Variants in RBMS3 observed in about 807,000 individuals in gnomAD.
RBMS3 encodes RNA binding motif single stranded interacting protein 3, also known as RNA-binding motif, single-stranded-interacting protein 3.
Under a neutral mutation model 66.8 loss-of-function variants are expected in RBMS3, and 27 were observed. That is an observed-to-expected ratio of 0.40 (90% confidence interval 0.30 to 0.56). The LOEUF is 0.56. RBMS3 is among the 20% of genes least tolerant of loss of function. The pLI, the probability that RBMS3 is intolerant of heterozygous loss-of-function variation, is 0.40. For missense variants in RBMS3, 513 were observed against 549.5 expected (o/e 0.93, Z 0.66); for synonymous variants, 188 against 183.0 (o/e 1.03, Z -0.22).
intron 4 of RBMS3, among the ~76,000 whole-genome samples, chr3:29,666,106 G>T (rs2050743585): frequency 6.6e-6 from 1 of 152,050 alleles, no homozygotes; most frequent in Admixed American, 6.6e-5. Flanking sequence ...CCTCTGCCTG[G>T]ATGGGTATTC....
intron 3 of RBMS3, among the ~76,000 whole-genome samples, chr3:29,532,424 A>G (rs1046265048): frequency 6.6e-6 from 1 of 151,872 alleles, no homozygotes; most frequent in African/African-American, 2.4e-5. Context: ...AACAGGGATC[A>G]GTTTCCTCCT....
chr3:29,403,684 A>AC (rs1187495129), intron 1 of RBMS3, among the ~76,000 whole-genome samples: 2 of 151,784 alleles, frequency 1.3e-5, no homozygotes, highest in Non-Finnish European at 2.9e-5. Context: ...AAAGTTGGAG[A>AC]AAAAAAACAA....
chr3:29,770,197 C>T (rs889201393), intron 6 of RBMS3, among the ~76,000 whole-genome samples: 3 of 151,864 alleles, frequency 2.0e-5, no homozygotes, highest in Admixed American at 2.0e-4. Context: ...TTATGCAGCA[C>T]TTTTGCTCCC....
At chr3:29,909,925 C>A (rs1248246892) in intron 10 of RBMS3, among the ~76,000 whole-genome samples, 1 of 152,174 alleles carries the variant, frequency 6.6e-6, no homozygotes, top group Non-Finnish European at 1.5e-5. Flanking sequence ...GGACATGACA[C>A]AATTGACAGC....
rs761344035 is a variant in RBMS3, at chr3:29,872,324, T to C, written c.744+3360T>C. Among the ~76,000 whole-genome samples, 278 of 152,284 alleles carry C rather than the reference T, an allele frequency of 1.8e-3. 3 individuals carry two copies. The highest frequency in any genetic ancestry group is 4.0e-4 in the Non-Finnish European group (27 of 68,028). On this transcript the variant is annotated intron_variant, in intron 7 of 14. Coordinates refer to ENST00000383767, the MANE Select transcript of RBMS3 (RefSeq NM_001003793.3). ...ATTTTTTGAGAAAAGTGGTGGACTT[T>C]TCTATTTTTACAAATCGCTTTAATG...
At chr3:29,284,163 C>T (rs929007495) in intron 1 of RBMS3, among the ~76,000 whole-genome samples, 2 of 152,058 alleles carry the variant, frequency 1.3e-5, no homozygotes, top group Non-Finnish European at 1.5e-5. Context: ...TCTTTGTAGC[C>T]TTGGCTTGGA....
At chr3:29,553,842 G>A (rs900728422) in intron 3 of RBMS3, among the ~76,000 whole-genome samples, 1 of 144,056 alleles carries the variant, frequency 6.9e-6, no homozygotes, top group African/African-American at 2.6e-5. Flanking sequence ...CTAGGCATTT[G>A]CCTCCTTATC....
At chr3:29,561,094 T>A (rs2046534074) in intron 3 of RBMS3, among the ~76,000 whole-genome samples, 1 of 131,766 alleles carries the variant, frequency 7.6e-6, no homozygotes, top group African/African-American at 3.0e-5. Flanking sequence ...GGCTACATAG[T>A]ATTCCATGGT....
At chr3:29,697,266 T>G (rs1479001288) in intron 4 of RBMS3, among the ~76,000 whole-genome samples, 1 of 152,212 alleles carries the variant, frequency 6.6e-6, no homozygotes, top group Non-Finnish European at 1.5e-5. Flanking sequence ...AAAGAAAAGC[T>G]ATCATATACC....
At chr3:29,780,958 G>GTTTTA (rs1054417459) in intron 6 of RBMS3, among the ~76,000 whole-genome samples, 42 of 151,722 alleles carry the variant, frequency 2.8e-4, no homozygotes, top group South Asian at 6.2e-4. Context: ...AACAGTTCTT[G>GTTTTA]TTTTATTTTA....
At chr3:29,489,770 C>A (rs186306776) in intron 3 of RBMS3, among the ~76,000 whole-genome samples, 7 of 146,870 alleles carry the variant, frequency 4.8e-5, no homozygotes, top group Non-Finnish European at 8.9e-5. Context: ...TACTGCTGGG[C>A]GCGGTGGCTC....
chr3:29,409,481 C>T (rs1443339930), intron 1 of RBMS3, among the ~76,000 whole-genome samples: 2 of 152,228 alleles, frequency 1.3e-5, no homozygotes, highest in Non-Finnish European at 2.9e-5. Context: ...GTCCCCAAAG[C>T]TTGTCTGAGT....
At chr3:29,924,373 C>CTTTTCTT (rs1038396532) in intron 10 of RBMS3, among the ~76,000 whole-genome samples, 2 of 151,990 alleles carry the variant, frequency 1.3e-5, no homozygotes, top group Non-Finnish European at 2.9e-5. Flanking sequence ...GAAGGGTTTT[C>CTTTTCTT]TTTTCTTTTT....
intron 3 of RBMS3, among the ~76,000 whole-genome samples, chr3:29,524,150 T>C (rs766448423): frequency 2.6e-4 from 39 of 152,262 alleles, no homozygotes; most frequent in Middle Eastern, 3.4e-3. Context: ...ACTATTACCA[T>C]GTCAAATTTC....
chr3:29,737,766 G>GT (rs547701632), intron 4 of RBMS3, among the ~76,000 whole-genome samples: 51 of 151,602 alleles, frequency 3.4e-4, no homozygotes, highest in Admixed American at 2.6e-3. Flanking sequence ...TATTATCTCT[G>GT]TTTTTTCTCT....
Position 29,725,764 on chromosome 3 carries a change from G to A in RBMS3, c.400-13956G>A, listed in dbSNP as rs573000724. 1.3e-4 allele frequency among the ~76,000 whole-genome samples: 20 copies of A among 152,190 alleles called. 1 individual carries two copies. The South Asian group carries it at 3.1e-3, about 24-fold the overall frequency. Reference sequence around the variant, plus strand: ...CCCAGGACCAGATGGATTCAGAGCCGAATTCTACCAGATGTACAAAGAAGA... The same window carrying A: ...CCCAGGACCAGATGGATTCAGAGCCAAATTCTACCAGATGTACAAAGAAGA... On this transcript the variant is annotated intron_variant, in intron 4 of 14. Coordinates refer to ENST00000383767, the MANE Select transcript of RBMS3 (RefSeq NM_001003793.3).
intron 3 of RBMS3, among the ~76,000 whole-genome samples, chr3:29,534,091 G>C (rs1223857431): frequency 6.6e-6 from 1 of 152,208 alleles, no homozygotes; most frequent in Non-Finnish European, 1.5e-5. Flanking sequence ...CATGAGTAAA[G>C]TTTCCTATTT....
In RBMS3 at chr3:29,281,475, C is replaced by CTT. The variant is rs5847561; in HGVS notation, c.-197_-196dup. The CTT allele has an allele frequency of 0.28, 129,518 of 455,798 alleles. 8,482 individuals are homozygous for CTT. Among genetic ancestry groups the CTT allele is most frequent in the African/African-American group, 0.35 (16,416 of 47,424 alleles). 28.2% of individuals were successfully genotyped at this position (455,798 alleles called of 1,614,324 possible). On this transcript the variant is annotated 5_prime_UTR_variant, in exon 1 of 15. Coordinates refer to ENST00000383767, the MANE Select transcript of RBMS3 (RefSeq NM_001003793.3). The stretch of plus-strand genomic sequence containing the variant: ...TTTTCTACAGATCTCACTCCTCGCC[C>CTT]TTTTTTTTTTTCCTTTGGTGTGTGT...
intron 4 of RBMS3, among the ~76,000 whole-genome samples, chr3:29,671,102 G>A (rs965295298): frequency 3.3e-5 from 5 of 152,330 alleles, no homozygotes; most frequent in East Asian, 1.9e-4. Flanking sequence ...AATATTTGCT[G>A]TTCTGCAGCC....
Sources: allele counts gnomAD v4.1 joint callset (sites outside exome capture counted in the v4.1 genomes callset), GRCh38; gene constraint gnomAD v4.1.1; transcripts MANE v1.5; gene names NCBI Gene and HGNC (gene_info 2026-07-23, HGNC 2026-07-21).